Variants in GNG12 observed in about 807,000 individuals in gnomAD.
The protein encoded by GNG12 is G protein subunit gamma 12, also known as guanine nucleotide-binding protein G(I)/G(S)/G(O) subunit gamma-12.
For missense variants in GNG12, 69 were observed against 83.8 expected (o/e 0.82, Z 0.69); for synonymous variants, 28 against 29.7 (o/e 0.94, Z 0.19).
intron 1 of GNG12, among the ~76,000 whole-genome samples, chr1:67,803,225 G>C (rs769478744): frequency 5.7e-5 from 4 of 69,586 alleles, no homozygotes; most frequent in Non-Finnish European, 1.2e-4. Flanking sequence ...TTAATTTAAA[G>C]TTAGTTGGTT....
intron 1 of GNG12, among the ~76,000 whole-genome samples, chr1:67,799,104 G>A (rs976920024): frequency 5.3e-5 from 8 of 152,162 alleles, no homozygotes; most frequent in Admixed American, 1.3e-4. Flanking sequence ...GACTGTATAT[G>A]TTATTAATAA....
intron 1 of GNG12, among the ~76,000 whole-genome samples, chr1:67,786,808 G>T (rs575860559): frequency 6.6e-6 from 1 of 151,912 alleles, no homozygotes; most frequent in African/African-American, 2.4e-5. Flanking sequence ...ATGATGGCAC[G>T]TGCCTGTACT....
Position 67,785,363 on chromosome 1 carries a change from C to T in GNG12, c.-76-7856G>A, listed in dbSNP as rs574506821. ...CTTGATTATTATTATTATTTTTTACCTGGCAAAAATACCACTTCTTCTCCC... is the reference window on the plus strand; with the variant it reads ...CTTGATTATTATTATTATTTTTTACTTGGCAAAAATACCACTTCTTCTCCC... On this transcript the variant is annotated intron_variant, in intron 1 of 3. Transcript: ENST00000370982. Among the ~76,000 whole-genome samples the T allele has an allele frequency of 3.6e-4, 54 of 152,066 alleles. 1 individual carries two copies. The highest frequency in any genetic ancestry group is 1.3e-3 in the African/African-American group (53 of 41,486).
intron 1 of GNG12, among the ~76,000 whole-genome samples, chr1:67,792,881 T>TATTG (rs770956410): frequency 6.6e-6 from 1 of 152,174 alleles, no homozygotes; most frequent in Non-Finnish European, 1.5e-5. Flanking sequence ...GCCTGGCCAG[T>TATTG]ATTGGTGCTT....
At chr1:67,781,252 T>C (rs1002732531) in intron 1 of GNG12, among the ~76,000 whole-genome samples, 14 of 152,212 alleles carry the variant, frequency 9.2e-5, no homozygotes, top group Admixed American at 9.2e-4. Flanking sequence ...TAGCTTCCCA[T>C]GTGCATGGAC....
At chr1:67,806,167 T>C (rs750219129) in intron 1 of GNG12, among the ~76,000 whole-genome samples, 21 of 151,164 alleles carry the variant, frequency 1.4e-4, no homozygotes, top group Non-Finnish European at 2.5e-4. Flanking sequence ...TGAGGGAAAA[T>C]GATATAGGTC....
intron 1 of GNG12, 63 bp downstream of exon 1, chr1:67,833,281 C>G: frequency 4.9e-6 from 3 of 615,224 alleles, no homozygotes; most frequent in Non-Finnish European, 6.1e-6. Flanking sequence ...GCCGACGCCC[C>G]GCGCCGCGCC....
chr1:67,811,672 C>T (rs988753134), intron 1 of GNG12, among the ~76,000 whole-genome samples: 1 of 152,044 alleles, frequency 6.6e-6, no homozygotes, highest in Non-Finnish European at 1.5e-5. Flanking sequence ...TGCCTGTTGC[C>T]CAGAGCAAGC....
intron 2 of GNG12, among the ~76,000 whole-genome samples, chr1:67,720,074 G>A (rs148193027): frequency 3.7e-4 from 57 of 152,320 alleles, no homozygotes; most frequent in African/African-American, 1.1e-3. Context: ...ACTGTTCTGA[G>A]CCCACAGATG....
intron 1 of GNG12, among the ~76,000 whole-genome samples, chr1:67,802,139 T>C (rs1469041268): frequency 6.6e-6 from 1 of 152,134 alleles, no homozygotes; most frequent in Non-Finnish European, 1.5e-5. Context: ...ATTTCAAGCC[T>C]GGGTGACCAG....
At chr1:67,818,422 T>TTTG (rs1553160789) in intron 1 of GNG12, among the ~76,000 whole-genome samples, 1 of 146,260 alleles carries the variant, frequency 6.8e-6, no homozygotes, top group African/African-American at 2.6e-5. Context: ...GGTTTTTTTT[T>TTTG]TTTTTTTTTT....
chr1:67,833,037 G>T (rs1647059199), intron 1 of GNG12, among the ~76,000 whole-genome samples: 1 of 151,752 alleles, frequency 6.6e-6, no homozygotes, highest in South Asian at 2.1e-4. Context: ...CGTGGGGGCG[G>T]CTTCCCGCAA....
chr1:67,727,142 C>T (rs3766259), intron 2 of GNG12, among the ~76,000 whole-genome samples: 1 of 152,156 alleles, frequency 6.6e-6, no homozygotes, highest in South Asian at 2.1e-4. Context: ...TAAAGCAAAT[C>T]CTAACAGGTA....
At chr1:67,807,995 T>C (rs1175473109) in intron 1 of GNG12, among the ~76,000 whole-genome samples, 1 of 151,864 alleles carries the variant, frequency 6.6e-6, no homozygotes, top group Non-Finnish European at 1.5e-5. Context: ...CAAAAGCAGA[T>C]AAAGACATTA....
At chr1:67,753,724 C>CGGT (rs1402814306) in intron 2 of GNG12, among the ~76,000 whole-genome samples, 1 of 152,190 alleles carries the variant, frequency 6.6e-6, no homozygotes, top group Non-Finnish European at 1.5e-5. Context: ...CTAAAGTGTT[C>CGGT]GGTCAGTGGT....
chr1:67,813,698 A>AC (rs34415879), intron 1 of GNG12, among the ~76,000 whole-genome samples: 96,066 of 151,972 alleles, frequency 0.63, 30,562 homozygotes, highest in Middle Eastern at 0.73. Flanking sequence ...AATAAAAAAA[A>AC]ATGAACCTCA....
At chr1:67,822,760 T>G (rs970523328) in intron 1 of GNG12, among the ~76,000 whole-genome samples, 10 of 152,116 alleles carry the variant, frequency 6.6e-5, no homozygotes, top group African/African-American at 2.4e-4. Context: ...GATGGAGATA[T>G]AGGCTAACTT....
At chr1:67,743,711 A>C (rs990715488) in intron 2 of GNG12, among the ~76,000 whole-genome samples, 9 of 152,212 alleles carry the variant, frequency 5.9e-5, no homozygotes, top group Non-Finnish European at 1.2e-4. Flanking sequence ...AGAGCAATTA[A>C]TTTAGGCTGC....
chr1:67,780,774 G>A (rs546643638), intron 1 of GNG12, among the ~76,000 whole-genome samples: 1 of 152,274 alleles, frequency 6.6e-6, no homozygotes, highest in South Asian at 2.1e-4. Context: ...GGAGCAACTC[G>A]GAGCTTGGCA....
Sources: gnomAD v4.1 joint callset for allele counts (sites outside exome capture counted in the v4.1 genomes callset) on GRCh38, gnomAD v4.1.1 for gene constraint, MANE v1.5 for transcripts, NCBI Gene and HGNC (gene_info 2026-07-23, HGNC 2026-07-21) for gene names.